GABBR1: variants seen among roughly 807,000 people sequenced by gnomAD.
GABBR1 encodes the protein GABA-B receptor, R1 subunit.
GABBR1 carries 35 observed loss-of-function variants against 117.7 expected under a neutral mutation model. The observed-to-expected ratio is 0.30, with a 90% CI of 0.23 to 0.39. GABBR1 has a LOEUF of 0.39. GABBR1 is among the 10% of genes least tolerant of loss of function. The pLI is 1.00. For missense variants in GABBR1, 709 were observed against 1,241.8 expected, an observed-to-expected ratio of 0.57 and a Z score of 6.45; for synonymous variants, 442 against 486.6, an observed-to-expected ratio of 0.91 and a Z score of 1.21.
chr6:29,612,670 G>A (rs773050991), intron 12 of GABBR1, 56 bp from the exon 13 acceptor site: 2 of 1,377,900 alleles, frequency 1.5e-6, no homozygotes, highest in Non-Finnish European at 2.1e-6. Context: ...GAGTGAAAGA[G>A]AACATCAGGG....
Position 29,602,550 on chromosome 6 carries a change from G to T in GABBR1, c.*993C>A, listed in dbSNP as rs1411747870. 5.7e-5 allele frequency: 10 copies of T among 174,784 alleles called. No individual in the cohort carries two copies. The highest frequency in any genetic ancestry group is 5.4e-4 in the Admixed American group (10 of 18,622). The allele number at this position is 174,784 out of a possible 1,614,324, so 10.8% of individuals were successfully genotyped here. A position where few individuals can be genotyped will look rare whatever the true frequency, so the allele number is the denominator to read the frequency against. Reference sequence around the variant, plus strand: ...GATGGGGGGAATCTGAGCAGAAATGGAGATTCTGTGACAAGGAGAGGGTGT... The same window carrying T: ...GATGGGGGGAATCTGAGCAGAAATGTAGATTCTGTGACAAGGAGAGGGTGT... On this transcript the variant is annotated 3_prime_UTR_variant, in exon 23 of 23. Transcript: ENST00000377034.
chr6:29,624,210 A>C, intron 6 of GABBR1, 186 bp from the exon 7 acceptor site: 4 of 557,448 alleles, frequency 7.2e-6, no homozygotes, highest in South Asian at 5.6e-5. Flanking sequence ...TCTTTCATTA[A>C]ACTTCCTTCT....
chr6:29,628,929 A>G (rs1374898738), intron 5 of GABBR1, among the ~76,000 whole-genome samples, 158 bp downstream of exon 5: 1 of 143,540 alleles, frequency 7.0e-6, no homozygotes. Context: ...GGCAGGAAAC[A>G]GGTAGGGAGG....
rs1263632027 is a variant in GABBR1 at position 29,604,597 on chromosome 6, G to A, written c.2609C>T (p.Ala870Val). Residue 870 changes from alanine to valine, a missense_variant, in exon 22 of 23, where the codon GCG (alanine) becomes GTG (valine). Coordinates refer to ENST00000377034, the MANE Select transcript of GABBR1 (RefSeq NM_001470.4). The surrounding 1 kb of genome is among the most constrained non-coding windows in gnomAD (Gnocchi z 5.3). ...LITRGEWQSEAQDTMKTGSST... is the reference protein window; with the variant it reads ...LITRGEWQSEVQDTMKTGSST... ...TGACCCTGTCTTCATGGTGTCCTGC[G>A]CCTCCGACTGCCATTCCCCTCGGGT... is the stretch of plus-strand genomic sequence containing the variant. 15 of 1,613,092 alleles carry A rather than the reference G, an allele frequency of 9.3e-6. No individual in the cohort carries two copies. The highest frequency in any genetic ancestry group is 4.0e-5 in the African/African-American group (3 of 74,920).
At position 29,630,183 on chromosome 6, in the gene GABBR1, A is replaced by G. The variant is rs1764809432; in HGVS notation, c.475+275T>C. On this transcript the variant is annotated intron_variant, in intron 4 of 22. Coordinates refer to ENST00000377034, the MANE Select transcript of GABBR1 (RefSeq NM_001470.4). The surrounding 1 kb of genome is among the most constrained non-coding windows in gnomAD (Gnocchi z 4.9). Reference sequence around the variant, plus strand: ...GAAGGTGAGAGAGGTGAGATTCATAAAGGAAAAGAGAAAACGTGAGGTCTA... The same window carrying G: ...GAAGGTGAGAGAGGTGAGATTCATAGAGGAAAAGAGAAAACGTGAGGTCTA... 9.8e-6 allele frequency: 4 copies of G among 409,824 alleles called. No individual in the cohort carries two copies. Among genetic ancestry groups the G allele is most frequent in the Non-Finnish European group, 1.7e-5 (4 of 229,908 alleles). 25.4% of individuals were successfully genotyped at this position (409,824 alleles called of 1,614,324 possible).
At chr6:29,610,866 A>C in intron 14 of GABBR1, 58 bp downstream of exon 14, 1 of 1,444,252 alleles carries the variant, frequency 6.9e-7, no homozygotes. Flanking sequence ...CAAAGGCATG[A>C]CTTTTTCCCT....
chr6:29,616,106 C>T (rs1301108010), intron 11 of GABBR1, among the ~76,000 whole-genome samples: 2 of 152,056 alleles, frequency 1.3e-5, no homozygotes, highest in African/African-American at 4.8e-5. Flanking sequence ...GAGGCTGAGG[C>T]AGGAGAATGG....
rs1322829894 is a variant in GABBR1, at chr6:29,623,320, A to G, written c.948T>C (p.Thr316=). The G allele has an allele frequency of 6.2e-7, 1 of 1,613,856 alleles. No individual in the cohort carries two copies. The highest frequency in any genetic ancestry group is 8.5e-7 in the Non-Finnish European group (1 of 1,179,842). Residue 316 remains threonine (T), a synonymous_variant, in exon 8 of 23, where the codon ACT becomes ACC. Coordinates refer to ENST00000377034, the MANE Select transcript of GABBR1 (RefSeq NM_001470.4). The surrounding 1 kb of genome is among the most constrained non-coding windows in gnomAD (Gnocchi z 6.2). ...CCCTCCTCACCGAAGTGAAGACCTCAGTGGTCTGCTGGATGGTAGCAATCT... is the reference window on the plus strand; with the variant it reads ...CCCTCCTCACCGAAGTGAAGACCTCGGTGGTCTGCTGGATGGTAGCAATCT... ...WKKIATIQQT[T]EVFTSTLDDL...
rs1325559166 is a variant in GABBR1 at position 29,632,722 on chromosome 6, C to T, written c.-1+128G>A. The T allele has an allele frequency of 1.5e-6, 2 of 1,342,198 alleles. No homozygotes were observed. Among genetic ancestry groups the T allele is most frequent in the Non-Finnish European group, 1.9e-6 (2 of 1,032,238 alleles). The allele number at this position is 1,342,198 out of a possible 1,614,324, so 83.1% of individuals were successfully genotyped here. A position where few individuals can be genotyped will look rare whatever the true frequency, so the allele number is the denominator to read the frequency against. On this transcript the variant is annotated intron_variant, in intron 1 of 22. Transcript: ENST00000377034. The surrounding 1 kb of genome is among the most constrained non-coding windows in gnomAD (Gnocchi z 5.8). ...CGGCCGCCTCAGCGCTCCCCGATTCCATCCCCGCGGTTCCTCCTCTCCCCC... is the reference window on the plus strand; with the variant it reads ...CGGCCGCCTCAGCGCTCCCCGATTCTATCCCCGCGGTTCCTCCTCTCCCCC...
rs1212660414 is a variant in GABBR1 at position 29,604,801 on chromosome 6, G to A, written c.2568+59C>T. On this transcript the variant is annotated intron_variant, in intron 21 of 22. Coordinates refer to ENST00000377034, the MANE Select transcript of GABBR1 (RefSeq NM_001470.4). This position sits in a 1 kb window ranked among gnomAD's most constrained non-coding sequence, Gnocchi z 5.3. ...AGGGCAGAGGAACTCAGTAATATAG[G>A]AAGGAGGGATGGAGGGAACATGGGA... 2 of 1,595,260 alleles carry A rather than the reference G, an allele frequency of 1.3e-6. No homozygotes were observed. The highest frequency in any genetic ancestry group is 2.3e-5 in the South Asian group (2 of 87,330).
At position 29,632,939 on chromosome 6, in the gene GABBR1, C is replaced by G. The variant is rs1765166582; in HGVS notation, c.-90G>C. On this transcript the variant is annotated 5_prime_UTR_variant, in exon 1 of 23. Transcript: ENST00000377034. This position sits in a 1 kb window ranked among gnomAD's most constrained non-coding sequence, Gnocchi z 5.8. ...TCCCCGCTCCCCCCTCCCTTCTCCT[C>G]CACCTTTCTCCTCCTCCCGTCCCTC... 1 of 204,426 alleles carries G rather than the reference C, an allele frequency of 4.9e-6. No individual in the cohort carries two copies. Among genetic ancestry groups the G allele is most frequent in the South Asian group, 4.8e-5 (1 of 21,028 alleles). The allele number at this position is 204,426 out of a possible 1,614,324, so 12.7% of individuals were successfully genotyped here. A position where few individuals can be genotyped will look rare whatever the true frequency, so the allele number is the denominator to read the frequency against.
Position 29,606,347 on chromosome 6 carries a change from T to C in GABBR1, c.2311+44A>G, listed in dbSNP as rs1173719990. 7.0e-7 allele frequency: 1 copy of C among 1,419,340 alleles called. No homozygotes were observed. Among genetic ancestry groups the C allele is most frequent in the East Asian group, 2.3e-5 (1 of 43,964 alleles). 87.9% of individuals were successfully genotyped at this position (1,419,340 alleles called of 1,614,324 possible). A position where few individuals can be genotyped will look rare whatever the true frequency, so the allele number is the denominator to read the frequency against. ...AGCCCTCTACCCCTGCCTTCCCTCC[T>C]GCCTTTGTGCATCCCTGCCCTCCTT... On this transcript the variant is annotated intron_variant, in intron 19 of 22. Coordinates refer to ENST00000377034, the MANE Select transcript of GABBR1 (RefSeq NM_001470.4). This position sits in a 1 kb window ranked among gnomAD's most constrained non-coding sequence, Gnocchi z 4.5.
chr6:29,613,049 G>A lies in GABBR1; in HGVS notation c.1566+194C>T, dbSNP rs1332722522. 6.6e-6 allele frequency among the ~76,000 whole-genome samples: 1 copy of A among 152,192 alleles called. No individual in the cohort carries two copies. The highest frequency in any genetic ancestry group is 1.9e-4 in the East Asian group (1 of 5,198). Reference sequence around the variant, plus strand: ...AATGAGGGGAGGGGTTTAAAAAAATGGAATACATCATTTTTTTTCCTCTAG... The same window carrying A: ...AATGAGGGGAGGGGTTTAAAAAAATAGAATACATCATTTTTTTTCCTCTAG... On this transcript the variant is annotated intron_variant, in intron 12 of 22. Transcript: ENST00000377034. This position sits in a 1 kb window ranked among gnomAD's most constrained non-coding sequence, Gnocchi z 4.1.
At position 29,631,235 on chromosome 6, in the gene GABBR1, C is replaced by T. The variant is rs950874862; in HGVS notation, c.289+161G>A. ...GGCTGCTAGCTCTACTACCTCCAAC[C>T]GCACAGAGCAAAATTGCTCTTATGT... On this transcript the variant is annotated intron_variant, in intron 3 of 22. Transcript: ENST00000377034. This position sits in a 1 kb window ranked among gnomAD's most constrained non-coding sequence, Gnocchi z 5.9. Among the ~76,000 whole-genome samples, 4 of 152,204 alleles carry T rather than the reference C, an allele frequency of 2.6e-5. No homozygotes were observed. Among genetic ancestry groups the T allele is most frequent in the Non-Finnish European group, 5.9e-5 (4 of 68,038 alleles).
chr6:29,624,128 C>T (rs1764035746), intron 6 of GABBR1, 104 bp from the exon 7 acceptor site: 1 of 1,145,982 alleles, frequency 8.7e-7, no homozygotes, highest in Admixed American at 2.8e-5. Context: ...TTCTCAATTA[C>T]TCACTTTCAT....
rs1765042259 is a variant in GABBR1 at position 29,632,039 on chromosome 6, G to A, written c.85+262C>T. ...GGAGTAATTGAGGTAGTAATGTGGG[G>A]CTGGGAAAGGGGATTGAGGCGGAGA... On this transcript the variant is annotated intron_variant, in intron 2 of 22. Transcript: ENST00000377034. This position sits in a 1 kb window ranked among gnomAD's most constrained non-coding sequence, Gnocchi z 5.8. Among the ~76,000 whole-genome samples, 1 of 152,050 alleles carries A rather than the reference G, an allele frequency of 6.6e-6. No homozygotes were observed. The highest frequency in any genetic ancestry group is 2.4e-5 in the African/African-American group (1 of 41,376).
Position 29,631,236 on chromosome 6 carries a change from G to A in GABBR1, c.289+160C>T, listed in dbSNP as rs915004830. ...GCTGCTAGCTCTACTACCTCCAACC[G>A]CACAGAGCAAAATTGCTCTTATGTA... On this transcript the variant is annotated intron_variant, in intron 3 of 22. Transcript: ENST00000377034. This position sits in a 1 kb window ranked among gnomAD's most constrained non-coding sequence, Gnocchi z 5.9. 2.0e-5 allele frequency among the ~76,000 whole-genome samples: 3 copies of A among 152,188 alleles called. No individual in the cohort carries two copies. The highest frequency in any genetic ancestry group is 2.9e-5 in the Non-Finnish European group (2 of 68,036).
Position 29,603,624 on chromosome 6 carries a change from A to G in GABBR1, c.2805T>C (p.Ser935=). Residue 935 remains serine, a synonymous_variant, in exon 23 of 23, where the codon TCT becomes TCC. Transcript: ENST00000377034. Reference sequence around the variant, plus strand: ...CAGGGGGTCCCCTGGGCAGGCCCCCAGAGGGTTCTGGGGGTGTCGGTGGGT... The same window carrying G: ...CAGGGGGTCCCCTGGGCAGGCCCCCGGAGGGTTCTGGGGGTGTCGGTGGGT... The part of the protein sequence containing the change: ...RRHPPTPPEP[S]GGLPRGPPEP... 6.4e-7 allele frequency: 1 copy of G among 1,558,344 alleles called. No homozygotes were observed. Among genetic ancestry groups the G allele is most frequent in the Non-Finnish European group, 8.6e-7 (1 of 1,158,198 alleles).
At chr6:29,625,625 A>T (rs1404027011) in intron 6 of GABBR1, among the ~76,000 whole-genome samples, 1 of 152,008 alleles carries the variant, frequency 6.6e-6, no homozygotes, top group African/African-American at 2.4e-5. Context: ...CAATTGACAC[A>T]TTCTGGTTCT....
Sources: gnomAD v4.1 joint callset for allele counts (sites outside exome capture counted in the v4.1 genomes callset) on GRCh38, gnomAD v4.1.1 for gene constraint, Gnocchi (gnomAD v3.1) non-coding constraint, MANE v1.5 for transcripts, NCBI Gene and HGNC (gene_info 2026-07-23, HGNC 2026-07-21) for gene names.